The following PCDHGB2 variants were observed in gnomAD, a reference collection of about 807,000 sequenced individuals.
The protein encoded by PCDHGB2 is protocadherin gamma subfamily B, 2, also known as protocadherin gamma-B2.
Under a neutral mutation model 59.3 loss-of-function variants are expected in PCDHGB2, and 55 were observed. The observed-to-expected ratio is 0.93, with a 90% confidence interval of 0.75 to 1.16. PCDHGB2 has a LOEUF of 1.16. Ranked by LOEUF, PCDHGB2 falls within the 50% of genes most tolerant of loss-of-function variation. The probability of loss-of-function intolerance (pLI) is 0.00; values close to 1 mark genes in which losing one functional copy is unlikely to be tolerated. For missense variants in PCDHGB2, 1,228 were observed against 1,198.5 expected (o/e 1.02, Z -0.36); for synonymous variants, 516 against 512.0 (o/e 1.01, Z -0.11).
At chr5:141,474,671 A>G (rs2099352865) in intron 1 of PCDHGB2, among the ~76,000 whole-genome samples, 1 of 152,204 alleles carries the variant, frequency 6.6e-6, no homozygotes, top group South Asian at 2.1e-4. Context: ...TACCTAACCT[A>G]TGTGCCTACC....
At chr5:141,404,882 G>T (rs1380203392) in intron 1 of PCDHGB2, 3 of 1,613,772 alleles carry the variant, frequency 1.9e-6, no homozygotes, top group Non-Finnish European at 2.5e-6. Context: ...GAGCCTTGTG[G>T]TGGCTGTACA....
At chr5:141,495,719 C>T (rs929450759) in intron 2 of PCDHGB2, among the ~76,000 whole-genome samples, 12 of 152,150 alleles carry the variant, frequency 7.9e-5, no homozygotes, top group African/African-American at 2.4e-5. Context: ...AGTAACTACA[C>T]GGGACCCTTA....
chr5:141,486,161 A>G lies in PCDHGB2; in HGVS notation c.2422-8646A>G. 1 of 1,614,216 alleles carries G rather than the reference A, an allele frequency of 6.2e-7. No individual in the cohort carries two copies. The highest frequency in any genetic ancestry group is 8.5e-7 in the Non-Finnish European group (1 of 1,180,038). ...GGCTCGCGATGGGGGTTCTCCAGCC[A>G]TGGAGCAACATTGCAGCCTTCGAGT... On this transcript the variant is annotated intron_variant, in intron 1 of 3. Coordinates refer to ENST00000522605, the MANE Select transcript of PCDHGB2 (RefSeq NM_018923.3). The surrounding 1 kb of genome is among the most constrained non-coding windows in gnomAD (Gnocchi z 5.0).
chr5:141,388,861 T>C lies in PCDHGB2; in HGVS notation c.2421+26305T>C, dbSNP rs1487226750. 7 of 1,613,872 alleles carry C rather than the reference T, an allele frequency of 4.3e-6. No homozygotes were observed. The East Asian group carries it at 1.1e-4, about 26-fold the overall frequency. On this transcript the variant is annotated intron_variant, in intron 1 of 3. Transcript: ENST00000522605. ...GAAGCAAGGGACGGTGGAGGAATGATTGCGCAATGCACAGTGGAGGTAGAA... is the reference window on the plus strand; with the variant it reads ...GAAGCAAGGGACGGTGGAGGAATGACTGCGCAATGCACAGTGGAGGTAGAA...
chr5:141,433,837 CAAA>C (rs56191208), intron 1 of PCDHGB2, among the ~76,000 whole-genome samples: 5 of 111,684 alleles, frequency 4.5e-5, no homozygotes, highest in Admixed American at 2.0e-4. Flanking sequence ...AACTCTATCT[CAAA>C]AAAAAAAAAA....
intron 1 of PCDHGB2, chr5:141,364,516 C>A: frequency 6.2e-7 from 1 of 1,614,002 alleles, no homozygotes; most frequent in Non-Finnish European, 8.5e-7. Context: ...TGGCGGAGCG[C>A]GGAGTCCGCA....
intron 1 of PCDHGB2, among the ~76,000 whole-genome samples, chr5:141,446,698 G>C (rs750413432): frequency 1.3e-5 from 2 of 152,070 alleles, no homozygotes; most frequent in African/African-American, 4.8e-5. Flanking sequence ...GGCTGGTCTC[G>C]AACTCTGATC....
Position 141,419,699 on chromosome 5 carries a change from C to G in PCDHGB2, c.2421+57143C>G, listed in dbSNP as rs1488905080. ...CTACCACGTGGTGCAGGCCAGTGAG[C>G]CCGGGCTCTTCAGCCTGGGGCTGCG... On this transcript the variant is annotated intron_variant, in intron 1 of 3. Coordinates refer to ENST00000522605, the MANE Select transcript of PCDHGB2 (RefSeq NM_018923.3). The G allele has an allele frequency of 5.6e-6, 9 of 1,612,806 alleles. No homozygotes were observed. The East Asian group carries it at 1.8e-4, about 32-fold the overall frequency.
At chr5:141,366,700 T>C in intron 1 of PCDHGB2, 1 of 1,614,248 alleles carries the variant, frequency 6.2e-7, no homozygotes, top group Non-Finnish European at 8.5e-7. Context: ...AAAGCGAGCC[T>C]CTTCTGATGT....
At chr5:141,405,457 T>TC in intron 1 of PCDHGB2, 3 of 1,256,668 alleles carry the variant, frequency 2.4e-6, no homozygotes, top group South Asian at 1.4e-5. Context: ...TCTTACTCTG[T>TC]TACCCAGGCT....
chr5:141,441,103 A>C (rs2098225469), intron 1 of PCDHGB2: 1 of 152,198 alleles, frequency 6.6e-6, no homozygotes, highest in Non-Finnish European at 1.5e-5. Flanking sequence ...AGAGGGACTC[A>C]TTGTCCAGTG....
At chr5:141,413,820 C>T in intron 1 of PCDHGB2, 1 of 1,613,204 alleles carries the variant, frequency 6.2e-7, no homozygotes, top group Non-Finnish European at 8.5e-7. Flanking sequence ...ACCACCTGGT[C>T]CTCACCGCCT....
Position 141,477,535 on chromosome 5 carries a change from G to A in PCDHGB2, c.2422-17272G>A, listed in dbSNP as rs2099412713. ...ACATTGAAGAAAACAACCTCCCCGG[G>A]GCTCCAATACTAAACCTAAGTGTCT... On this transcript the variant is annotated intron_variant, in intron 1 of 3. Transcript: ENST00000522605. The surrounding 1 kb of genome is among the most constrained non-coding windows in gnomAD (Gnocchi z 4.9). 1.2e-6 allele frequency: 2 copies of A among 1,613,936 alleles called. No homozygotes were observed. The highest frequency in any genetic ancestry group is 2.7e-5 in the African/African-American group (2 of 74,866).
chr5:141,361,515 C>A lies in PCDHGB2; in HGVS notation c.1380C>A (p.His460Gln). Residue 460 changes from histidine to glutamine, a missense_variant, in exon 1 of 4, where the codon CAC (histidine) becomes CAA (glutamine). Physicochemically the swap from His to Gln is conservative, Grantham distance 24. Around this residue, in one of 3 missense-constraint regions of PCDHGB2, gnomAD observed 781 missense variants for 721.6 expected, o/e 1.08. Coordinates refer to ENST00000522605, the MANE Select transcript of PCDHGB2 (RefSeq NM_018923.3). The stretch of plus-strand genomic sequence containing the variant: ...TCCAACAGACTTCCTACATGGTTCA[C>A]GTGGCAGAGAACAATCCTCCTGGCG... ...PVFQQTSYMV[H>Q]VAENNPPGAS... The A allele has an allele frequency of 6.2e-7, 1 of 1,614,040 alleles. No homozygotes were observed. The highest frequency in any genetic ancestry group is 1.1e-5 in the South Asian group (1 of 91,086).
chr5:141,368,738 T>C (rs1765827901), intron 1 of PCDHGB2, among the ~76,000 whole-genome samples: 1 of 152,208 alleles, frequency 6.6e-6, no homozygotes, highest in Non-Finnish European at 1.5e-5. Flanking sequence ...GTATATACCA[T>C]ATACTTTTAA....
intron 1 of PCDHGB2, chr5:141,394,129 C>T: frequency 3.7e-6 from 6 of 1,613,968 alleles, no homozygotes; most frequent in Non-Finnish European, 5.1e-6. Context: ...ACTCAAATCG[C>T]TCTGCACGTG....
Position 141,490,924 on chromosome 5 carries a change from C to G in PCDHGB2, c.2422-3883C>G, listed in dbSNP as rs1469202824. The G allele has an allele frequency of 1.9e-6, 3 of 1,613,562 alleles. No individual in the cohort carries two copies. The highest frequency in any genetic ancestry group is 2.5e-6 in the Non-Finnish European group (3 of 1,179,702). ...TGTCCTAGACGAGAATGATAATGCC[C>G]CAGCTGTGCTGCACCCACGGCCAGA... On this transcript the variant is annotated intron_variant, in intron 1 of 3. Transcript: ENST00000522605. The surrounding 1 kb of genome is among the most constrained non-coding windows in gnomAD (Gnocchi z 5.4).
At chr5:141,509,481 A>G (rs2099877035) in intron 3 of PCDHGB2, among the ~76,000 whole-genome samples, 1 of 152,010 alleles carries the variant, frequency 6.6e-6, no homozygotes, top group Admixed American at 6.6e-5. Flanking sequence ...TGAGGGGTAG[A>G]GGTGATGGCA....
chr5:141,374,339 A>C, intron 1 of PCDHGB2: 1 of 1,614,006 alleles, frequency 6.2e-7, no homozygotes, highest in Non-Finnish European at 8.5e-7. Context: ...CAGCTTGGTC[A>C]CCGCGGGTAG....
Sources: gnomAD v4.1 joint callset for allele counts (sites outside exome capture counted in the v4.1 genomes callset) on GRCh38, gnomAD v4.1.1 for gene constraint, gnomAD v4.1.1 regional missense constraint, Gnocchi (gnomAD v3.1) non-coding constraint, MANE v1.5 for transcripts, NCBI Gene and HGNC (gene_info 2026-07-23, HGNC 2026-07-21) for gene names.